Variants in AKAP13 observed in about 807,000 individuals in gnomAD.
AKAP13 encodes the protein A-kinase anchoring protein 13.
A neutral mutation model predicts 264.5 loss-of-function variants in AKAP13; 80 were observed. The ratio of observed to expected loss-of-function variants is 0.30; its 90% CI spans 0.25 to 0.36. The LOEUF (loss-of-function observed/expected upper bound fraction) is 0.36, where lower values mean the gene tolerates loss of function less well. Ranked by LOEUF, AKAP13 falls within the 10% of genes least tolerant of loss-of-function variation. The pLI, the probability that AKAP13 is intolerant of heterozygous loss-of-function variation, is 1.00. For synonymous variants in AKAP13, 1,380 were observed against 1,250.2 expected, an observed-to-expected ratio of 1.10 and a Z score of -2.19; for missense variants, 3,712 against 3,435.2, an observed-to-expected ratio of 1.08 and a Z score of -2.01.
intron 1 of AKAP13, among the ~76,000 whole-genome samples, chr15:85,472,195 G>C (rs2074984312): frequency 9.3e-6 from 1 of 107,164 alleles, no homozygotes; most frequent in South Asian, 2.4e-4. Context: ...TCATATACTA[G>C]GTTAAAAAAA....
intron 17 of AKAP13, among the ~76,000 whole-genome samples, chr15:85,696,258 G>A (rs369405729): frequency 6.6e-6 from 1 of 152,056 alleles, no homozygotes; most frequent in East Asian, 1.9e-4. Context: ...TAATCCATAA[G>A]CCCACTTTAT....
At chr15:85,596,158 G>A (rs568811714) in intron 8 of AKAP13, among the ~76,000 whole-genome samples, 2 of 152,276 alleles carry the variant, frequency 1.3e-5, no homozygotes, top group African/African-American at 4.8e-5. Flanking sequence ...TCAGGGCAGA[G>A]AATACTCTTA....
chr15:85,392,411 C>T (rs1317707288), intron 1 of AKAP13, among the ~76,000 whole-genome samples: 6 of 151,134 alleles, frequency 4.0e-5, no homozygotes, highest in South Asian at 2.1e-4. Context: ...TGCACCACCA[C>T]GCCCGGCTAA....
rs372946910 is a variant in AKAP13, at chr15:85,741,059, A to G, written c.7622A>G (p.Gln2541Arg). The change falls in exon 35 of 37, where the codon CAG becomes CGG. Residue 2541 changes from glutamine (Q) to arginine (R), a missense_variant. By Grantham distance (43) the Gln-to-Arg change is conservative. Transcript: ENST00000394518. ...TGTGCCTCCCAGGGTGTGGTGCTGC[A>G]GCAGGACAGCTACATTGAGGACCAG... ...LLSALQGVVL[Q>R]QDSYIEDQKL... The G allele has an allele frequency of 5.0e-6, 8 of 1,610,036 alleles. No homozygotes were observed. The highest frequency in any genetic ancestry group is 5.9e-6 in the Non-Finnish European group (7 of 1,177,824).
chr15:85,739,191 C>T (rs963251748), intron 33 of AKAP13, among the ~76,000 whole-genome samples: 1 of 152,172 alleles, frequency 6.6e-6, no homozygotes, highest in African/African-American at 2.4e-5. Flanking sequence ...TGATTATTTC[C>T]CGAGTATGCC....
intron 17 of AKAP13, among the ~76,000 whole-genome samples, chr15:85,694,434 A>G (rs986085529): frequency 3.3e-5 from 5 of 152,278 alleles, no homozygotes; most frequent in African/African-American, 1.2e-4. Context: ...TAAGCAATAC[A>G]TAAACCAATG....
intron 14 of AKAP13, 57 bp downstream of exon 14, chr15:85,669,887 A>T: frequency 7.5e-7 from 1 of 1,334,684 alleles, no homozygotes; most frequent in Admixed American, 1.9e-5. Flanking sequence ...CACTCTTCCT[A>T]TTATTTTTCT....
At chr15:85,512,333 G>C (rs2076454634) in intron 2 of AKAP13, among the ~76,000 whole-genome samples, 1 of 152,184 alleles carries the variant, frequency 6.6e-6, no homozygotes, top group South Asian at 2.1e-4. Flanking sequence ...TTTACCGTGA[G>C]TGTAAGCAGA....
intron 5 of AKAP13, among the ~76,000 whole-genome samples, chr15:85,568,493 GGTATAAGAAGATTAATT>G (rs2078689481): frequency 6.6e-6 from 1 of 152,116 alleles, no homozygotes; most frequent in Non-Finnish European, 1.5e-5. Context: ...TGCAGAATGG[GGTATAAGAAGATTAATT>G]GTGGCTGGAA....
chr15:85,741,540 T>G, intron 35 of AKAP13, 45 bp downstream of exon 35: 1 of 1,521,578 alleles, frequency 6.6e-7, no homozygotes, highest in Non-Finnish European at 8.8e-7. Context: ...TGATATTAAT[T>G]AAGACCCCCT....
chr15:85,620,345 C>G (rs565856661), intron 8 of AKAP13, among the ~76,000 whole-genome samples: 2 of 152,294 alleles, frequency 1.3e-5, no homozygotes, highest in South Asian at 4.1e-4. Context: ...GAACAGGAAG[C>G]AATAGGTGCT....
chr15:85,494,749 A>G (rs1275088716), intron 2 of AKAP13, among the ~76,000 whole-genome samples: 1 of 152,192 alleles, frequency 6.6e-6, no homozygotes, highest in East Asian at 1.9e-4. Flanking sequence ...AGAATCTGCA[A>G]ATAATTAGCT....
rs967360854 is a variant in AKAP13, at chr15:85,633,539, T to C, written c.4162-5835T>C. On this transcript the variant is annotated intron_variant, in intron 8 of 36. Transcript: ENST00000394518. ...TCTCTGAATGACTTTTTTTTTCTTT[T>C]TTTTTTTTTTTTTTTTTTTTTTGAG... Among the ~76,000 whole-genome samples the C allele has an allele frequency of 1.6e-3, 112 of 71,382 alleles. 1 individual carries two copies. In the South Asian group the frequency reaches 0.048, roughly 30 times the overall value. 46.8% of individuals were successfully genotyped at this position (71,382 alleles called of 152,430 possible).
chr15:85,395,738 C>T (rs1419860599), intron 1 of AKAP13, among the ~76,000 whole-genome samples: 1 of 151,812 alleles, frequency 6.6e-6, no homozygotes, highest in Non-Finnish European at 1.5e-5. Context: ...TTGAGTTGTA[C>T]TGTTTTTGGT....
intron 2 of AKAP13, among the ~76,000 whole-genome samples, chr15:85,520,129 G>T (rs1344775125): frequency 6.6e-6 from 1 of 151,754 alleles, no homozygotes; most frequent in Non-Finnish European, 1.5e-5. Context: ...CTAATAATTA[G>T]GACTGTATTT....
intron 10 of AKAP13, among the ~76,000 whole-genome samples, chr15:85,651,092 G>A (rs904606286): frequency 1.8e-4 from 27 of 152,216 alleles, no homozygotes; most frequent in Admixed American, 4.6e-4. Context: ...AAGATATAAA[G>A]TATGCAGCAG....
Position 85,730,544 on chromosome 15 carries a change from A to G in AKAP13, c.7119A>G (p.Leu2373=), listed in dbSNP as rs1365351589. The change falls in exon 30 of 37, where the codon CTA becomes CTG. Residue 2373 remains leucine, a synonymous_variant. Coordinates refer to ENST00000394518, the MANE Select transcript of AKAP13 (RefSeq NM_007200.5). ...EQLHQKDQKI[L]LLLEEKEMIF... is the part of the protein sequence containing the mutation. ...TTCACCAGAAGGACCAAAAAATCCT[A>G]CTCTTGTTGGAAGAGAAGGAGATGA... 6 of 1,613,784 alleles carry G rather than the reference A, an allele frequency of 3.7e-6. No individual in the cohort carries two copies.
At chr15:85,521,301 G>C (rs1274329827) in intron 2 of AKAP13, 127 bp from the exon 3 acceptor site, 1 of 1,134,434 alleles carries the variant, frequency 8.8e-7, no homozygotes, top group African/African-American at 1.5e-5. Flanking sequence ...ACTTGTTTCA[G>C]CTTACCAGAA....
chr15:85,701,958 G>C (rs892725674), intron 17 of AKAP13, among the ~76,000 whole-genome samples: 7 of 151,914 alleles, frequency 4.6e-5, no homozygotes, highest in African/African-American at 1.7e-4. Flanking sequence ...TAAAAAGAAG[G>C]GGGTAGGCCA....
Sources: gnomAD v4.1 joint callset for allele counts (sites outside exome capture counted in the v4.1 genomes callset) on GRCh38, gnomAD v4.1.1 for gene constraint, MANE v1.5 for transcripts, NCBI Gene and HGNC (gene_info 2026-07-23, HGNC 2026-07-21) for gene names.